The following PRKN variants were observed in gnomAD, a reference collection of about 807,000 sequenced individuals.
The protein encoded by PRKN is E3 ubiquitin-protein ligase parkin.
In PRKN, 56 loss-of-function variants were observed where a neutral mutation model predicts 59.5. The observed-to-expected ratio is 0.94, with a 90% CI of 0.76 to 1.18. The LOEUF (loss-of-function observed/expected upper bound fraction) is 1.18, where lower values mean the gene tolerates loss of function less well. PRKN is among the 50% of genes most tolerant of loss of function. The pLI is 0.00. For missense variants in PRKN, 657 were observed against 596.4 expected (o/e 1.10, Z -1.06); for synonymous variants, 250 against 222.1 (o/e 1.13, Z -1.12).
In PRKN at chr6:162,374,618, T is replaced by C. The variant is rs575547423; in HGVS notation, c.171+68692A>G. ...CCAAACTTTACTGTTGGCTTCGTGGTACTTTTAGCTATTATTATTTTCAGT... is the reference window on the plus strand; with the variant it reads ...CCAAACTTTACTGTTGGCTTCGTGGCACTTTTAGCTATTATTATTTTCAGT... On this transcript the variant is annotated intron_variant, in intron 2 of 11. Coordinates refer to ENST00000366898, the MANE Select transcript of PRKN (RefSeq NM_004562.3). 4.0e-3 allele frequency among the ~76,000 whole-genome samples: 602 copies of C among 152,162 alleles called. 2 individuals carry two copies. Among genetic ancestry groups the C allele is most frequent in the African/African-American group, 0.014 (584 of 41,544 alleles).
At chr6:162,387,377 T>C (rs1786888975) in intron 2 of PRKN, among the ~76,000 whole-genome samples, 1 of 152,104 alleles carries the variant, frequency 6.6e-6, no homozygotes, top group Non-Finnish European at 1.5e-5. Flanking sequence ...CAAGCACAAA[T>C]TCTCTAATCT....
At chr6:162,702,905 T>C (rs1778208239) in intron 1 of PRKN, among the ~76,000 whole-genome samples, 1 of 152,214 alleles carries the variant, frequency 6.6e-6, no homozygotes, top group Non-Finnish European at 1.5e-5. Context: ...GGTTGATTGA[T>C]ATCTAAGGGG....
At chr6:161,536,549 T>A (rs2115397568) in intron 9 of PRKN, among the ~76,000 whole-genome samples, 1 of 152,296 alleles carries the variant, frequency 6.6e-6, no homozygotes, top group Admixed American at 6.5e-5. Flanking sequence ...TGATAGAAAC[T>A]TACCCCTGCC....
chr6:161,884,558 C>G (rs747847999), intron 6 of PRKN, among the ~76,000 whole-genome samples: 8 of 152,120 alleles, frequency 5.3e-5, no homozygotes, highest in Non-Finnish European at 7.4e-5. Context: ...ATGTAGGGCT[C>G]TATTTTAACT....
intron 6 of PRKN, among the ~76,000 whole-genome samples, chr6:161,972,733 AT>A (rs1456042081): frequency 2.0e-5 from 3 of 151,972 alleles, no homozygotes; most frequent in Non-Finnish European, 4.4e-5. Flanking sequence ...GTGTTCATAA[AT>A]TTTTTTTCCA....
At chr6:162,632,415 A>AG (rs1783145483) in intron 1 of PRKN, among the ~76,000 whole-genome samples, 1 of 152,202 alleles carries the variant, frequency 6.6e-6, no homozygotes. Flanking sequence ...AACAAAAAAA[A>AG]GAAATACTGC....
At chr6:161,977,461 G>A (rs1298744941) in intron 5 of PRKN, among the ~76,000 whole-genome samples, 2 of 147,768 alleles carry the variant, frequency 1.4e-5, no homozygotes, top group African/African-American at 5.0e-5. Flanking sequence ...GGGAAACATT[G>A]TCTTTATTAT....
rs538979515 is a variant in PRKN at position 162,592,671 on chromosome 6, T to G, written c.7+134991A>C. Reference sequence around the variant, plus strand: ...AACCACAGACTGGATATATGGTTATTTGATGGAGAAATAAAACCAAGTAGG... The same window carrying G: ...AACCACAGACTGGATATATGGTTATGTGATGGAGAAATAAAACCAAGTAGG... On this transcript the variant is annotated intron_variant, in intron 1 of 11. Coordinates refer to ENST00000366898, the MANE Select transcript of PRKN (RefSeq NM_004562.3). Among the ~76,000 whole-genome samples the G allele has an allele frequency of 2.6e-4, 39 of 152,242 alleles. 1 individual carries two copies. In the South Asian group the frequency reaches 5.4e-3, roughly 21 times the overall value.
intron 7 of PRKN, among the ~76,000 whole-genome samples, chr6:161,659,792 G>T (rs985925883): frequency 7.9e-5 from 12 of 152,064 alleles, no homozygotes; most frequent in African/African-American, 2.9e-4. Context: ...TAAGCCCCTG[G>T]GTATCTGCAG....
rs2145573 is a variant in PRKN at position 161,361,906 on chromosome 6, C to T, written c.1168-1701G>A. Among the ~76,000 whole-genome samples the T allele has an allele frequency of 0.34, 52,374 of 151,838 alleles. 10,088 individuals are homozygous for T. The highest frequency in any genetic ancestry group is 0.5 in the African/African-American group (20,840 of 41,362). ...ACTAGGTATGCATCTTCATGGCACG[C>T]CTTCCAGTCACCACAGAGTCTTGGG... On this transcript the variant is annotated intron_variant, in intron 10 of 11. Coordinates refer to ENST00000366898, the MANE Select transcript of PRKN (RefSeq NM_004562.3). The surrounding 1 kb of genome is among the most constrained non-coding windows in gnomAD (Gnocchi z 5.2).
intron 5 of PRKN, among the ~76,000 whole-genome samples, chr6:162,006,726 G>A (rs1782271066): frequency 6.6e-6 from 1 of 152,160 alleles, no homozygotes; most frequent in South Asian, 2.1e-4. Flanking sequence ...ATTTGGGGCT[G>A]AGTTCAGCAT....
intron 1 of PRKN, among the ~76,000 whole-genome samples, chr6:162,519,563 T>C (rs894678887): frequency 2.6e-5 from 4 of 152,202 alleles, no homozygotes; most frequent in Admixed American, 6.5e-5. Flanking sequence ...AGATTTTGTA[T>C]GTGTGTGTAT....
chr6:161,449,392 C>T lies in PRKN; in HGVS notation c.1084-62515G>A, dbSNP rs537602060. Reference sequence around the variant, plus strand: ...AGATTGACATAGAGAAAAATCTTTTCTCATCTATCCGTATGTACTCTCCCA... The same window carrying T: ...AGATTGACATAGAGAAAAATCTTTTTTCATCTATCCGTATGTACTCTCCCA... On this transcript the variant is annotated intron_variant, in intron 9 of 11. Coordinates refer to ENST00000366898, the MANE Select transcript of PRKN (RefSeq NM_004562.3). Among the ~76,000 whole-genome samples, 241 of 152,246 alleles carry T rather than the reference C, an allele frequency of 1.6e-3. 1 individual carries two copies. The Middle Eastern group carries it at 0.02, about 13-fold the overall frequency.
In PRKN at chr6:161,599,836, C is replaced by T. The variant is rs537646423; in HGVS notation, c.872-30420G>A. On this transcript the variant is annotated intron_variant, in intron 7 of 11. Transcript: ENST00000366898. ...AGTATTTTCTTAAAAATTGGGCTTT[C>T]GTTTATTTTTGGAAAGAAAACAATC... is the stretch of plus-strand genomic sequence containing the variant. 5.3e-5 allele frequency among the ~76,000 whole-genome samples: 8 copies of T among 152,246 alleles called. No homozygotes were observed. The South Asian group carries it at 1.0e-3, about 20-fold the overall frequency.
At chr6:162,285,477 A>G (rs1029308102) in intron 2 of PRKN, among the ~76,000 whole-genome samples, 1 of 152,012 alleles carries the variant, frequency 6.6e-6, no homozygotes, top group African/African-American at 2.4e-5. Flanking sequence ...GGGGTTATTC[A>G]TTTCTGCATT....
chr6:162,637,181 C>A (rs1777748898), intron 1 of PRKN, among the ~76,000 whole-genome samples: 1 of 151,676 alleles, frequency 6.6e-6, no homozygotes, highest in Admixed American at 6.6e-5. Context: ...TGCTTGAACC[C>A]GGGAGGCAGA....
chr6:161,829,701 G>A (rs554435291), intron 6 of PRKN, among the ~76,000 whole-genome samples: 11 of 152,100 alleles, frequency 7.2e-5, no homozygotes, highest in African/African-American at 1.4e-4. Flanking sequence ...AGGATGCCCC[G>A]GAGAGCAAAG....
intron 5 of PRKN, among the ~76,000 whole-genome samples, chr6:162,003,712 T>C (rs1254975800): frequency 6.6e-6 from 1 of 152,208 alleles, no homozygotes; most frequent in African/African-American, 2.4e-5. Context: ...TAAAGATCAA[T>C]TGGAACACCT....
chr6:162,158,829 T>A (rs759447892), intron 4 of PRKN, among the ~76,000 whole-genome samples: 14 of 152,038 alleles, frequency 9.2e-5, no homozygotes, highest in Non-Finnish European at 1.9e-4. Context: ...TATTATAGGC[T>A]TCAAACGAGT....
Sources: gnomAD v4.1 joint callset for allele counts (sites outside exome capture counted in the v4.1 genomes callset) on GRCh38, gnomAD v4.1.1 for gene constraint, Gnocchi (gnomAD v3.1) non-coding constraint, MANE v1.5 for transcripts, NCBI Gene and HGNC (gene_info 2026-07-23, HGNC 2026-07-21) for gene names.